SAMD12: variants seen among roughly 807,000 people sequenced by gnomAD.
The protein encoded by SAMD12 is sterile alpha motif domain containing 12, also known as sterile alpha motif domain-containing protein 12.
Under a neutral mutation model 15.0 loss-of-function variants are expected in SAMD12, and 9 were observed. The observed-to-expected ratio is 0.60, with a 90% CI of 0.36 to 1.05. The LOEUF is 1.05. Among genes scored for constraint, SAMD12 ranks in the 50% least tolerant of loss-of-function variants. SAMD12 has a pLI of 0.01. For missense variants in SAMD12, 230 were observed against 234.2 expected, an observed-to-expected ratio of 0.98 and a Z score of 0.12; for synonymous variants, 86 against 90.1, an observed-to-expected ratio of 0.96 and a Z score of 0.25.
At chr8:118,594,237 A>G (rs1441172468) in intron 1 of SAMD12, among the ~76,000 whole-genome samples, 3 of 138,642 alleles carry the variant, frequency 2.2e-5, no homozygotes, top group African/African-American at 8.3e-5. Context: ...CAAAATGAAG[A>G]AAAAAAACAG....
chr8:118,506,522 G>A (rs1212470006), intron 2 of SAMD12, among the ~76,000 whole-genome samples: 1 of 151,958 alleles, frequency 6.6e-6, no homozygotes, highest in Non-Finnish European at 1.5e-5. Flanking sequence ...TTCCTACTAT[G>A]TCAACAGTGT....
chr8:118,451,043 A>T (rs145660965), intron 2 of SAMD12, among the ~76,000 whole-genome samples: 95 of 152,282 alleles, frequency 6.2e-4, no homozygotes, highest in African/African-American at 2.2e-3. Flanking sequence ...TACGTAAATC[A>T]TCTTGAATTT....
At chr8:118,290,146 T>TA (rs1352719979) in intron 4 of SAMD12, among the ~76,000 whole-genome samples, 1 of 152,052 alleles carries the variant, frequency 6.6e-6, no homozygotes, top group East Asian at 1.9e-4. Context: ...AGACCAAAAA[T>TA]AAAAAATGCC....
At chr8:118,346,381 GT>G (rs1478761034) in intron 4 of SAMD12, among the ~76,000 whole-genome samples, 5 of 152,150 alleles carry the variant, frequency 3.3e-5, no homozygotes, top group Non-Finnish European at 7.3e-5. Flanking sequence ...GTACTAGTCA[GT>G]TTTGCTCTCT....
chr8:118,608,567 G>T (rs1244482803), intron 1 of SAMD12, among the ~76,000 whole-genome samples: 1 of 152,108 alleles, frequency 6.6e-6, no homozygotes, highest in Non-Finnish European at 1.5e-5. Flanking sequence ...GCAATGGCAT[G>T]ATCTTGGCTC....
At chr8:118,197,869 A>C in intron 4 of SAMD12, 1 of 786,296 alleles carries the variant, frequency 1.3e-6, no homozygotes, top group Non-Finnish European at 2.2e-6. Flanking sequence ...AATAATGGTT[A>C]CTCAATGCCA....
intron 2 of SAMD12, among the ~76,000 whole-genome samples, chr8:118,530,559 CTTGTT>C (rs1275544539): frequency 2.0e-5 from 3 of 151,938 alleles, no homozygotes; most frequent in Non-Finnish European, 1.5e-5. Context: ...CTTGTTTTTT[CTTGTT>C]GAGTTGTTTG....
chr8:118,511,452 G>GA (rs1825078139), intron 2 of SAMD12, among the ~76,000 whole-genome samples: 1 of 131,692 alleles, frequency 7.6e-6, no homozygotes, highest in Non-Finnish European at 1.8e-5. Flanking sequence ...TTTTGTTTTT[G>GA]TTTTTTTTTT....
At chr8:118,618,694 G>A (rs1828310592) in intron 1 of SAMD12, among the ~76,000 whole-genome samples, 1 of 151,978 alleles carries the variant, frequency 6.6e-6, no homozygotes, top group Admixed American at 6.6e-5. Context: ...AAAAAAATCA[G>A]CCGGGCGTGG....
intron 4 of SAMD12, among the ~76,000 whole-genome samples, chr8:118,281,135 C>T (rs745737487): frequency 4.6e-5 from 7 of 152,172 alleles, no homozygotes; most frequent in African/African-American, 7.2e-5. Context: ...GACACATTTT[C>T]CTAAAGTCAA....
chr8:118,394,133 C>T (rs1381705977), intron 3 of SAMD12, among the ~76,000 whole-genome samples: 1 of 152,132 alleles, frequency 6.6e-6, no homozygotes, highest in Non-Finnish European at 1.5e-5. Flanking sequence ...TCCCTTTGCT[C>T]CTTAAAGAAA....
intron 4 of SAMD12, among the ~76,000 whole-genome samples, chr8:118,281,319 G>T (rs1033691607): frequency 2.0e-5 from 3 of 152,190 alleles, no homozygotes; most frequent in East Asian, 3.8e-4. Context: ...AGCAGTGCAT[G>T]TGTCTAGTGG....
chr8:118,420,680 G>A (rs1170516589), intron 3 of SAMD12, among the ~76,000 whole-genome samples: 1 of 151,936 alleles, frequency 6.6e-6, no homozygotes. Context: ...AGAATTAGAG[G>A]GGAATTTTAT....
chr8:118,372,059 C>G (rs996086146), intron 4 of SAMD12, among the ~76,000 whole-genome samples: 4 of 152,024 alleles, frequency 2.6e-5, no homozygotes, highest in African/African-American at 9.7e-5. Flanking sequence ...ACACCAAAGC[C>G]TCAACTAAAT....
chr8:118,175,024 C>CA, the SAMD12 span, among the ~76,000 whole-genome samples: 158 of 63,552 alleles, frequency 2.5e-3, 1 homozygote, highest in South Asian at 0.01. Flanking sequence ...AGCAGTAAAG[C>CA]AAAAAAAAAC....
At chr8:118,407,100 A>G (rs1821170133) in intron 3 of SAMD12, among the ~76,000 whole-genome samples, 1 of 152,098 alleles carries the variant, frequency 6.6e-6, no homozygotes, top group Non-Finnish European at 1.5e-5. Context: ...AAAAAAAACT[A>G]TTAAGTAACA....
At chr8:118,328,626 A>C (rs1320063348) in intron 4 of SAMD12, among the ~76,000 whole-genome samples, 1 of 152,222 alleles carries the variant, frequency 6.6e-6, no homozygotes, top group Non-Finnish European at 1.5e-5. Flanking sequence ...CATTGACCAC[A>C]GACTTAAAGT....
rs541976217 is a variant in SAMD12, at chr8:118,459,197, C to T, written c.193-19236G>A. ...TCTCCTGCCTCAACCTCCTGAGTAG[C>T]GGGGATTACAGGTGCCTGCTACCAC... On this transcript the variant is annotated intron_variant, in intron 2 of 3. Coordinates refer to ENST00000314727, the MANE Select transcript of SAMD12 (RefSeq NM_207506.3). Among the ~76,000 whole-genome samples the T allele has an allele frequency of 1.6e-4, 25 of 152,066 alleles. No homozygotes were observed. The East Asian group carries it at 4.1e-3, about 25-fold the overall frequency.
chr8:118,353,357 T>C (rs1355320474), intron 4 of SAMD12, among the ~76,000 whole-genome samples: 1 of 151,790 alleles, frequency 6.6e-6, no homozygotes, highest in Non-Finnish European at 1.5e-5. Context: ...GAAGCCTTAA[T>C]TCCCAAAGTG....
Sources: gnomAD v4.1 joint callset for allele counts (sites outside exome capture counted in the v4.1 genomes callset) on GRCh38, gnomAD v4.1.1 for gene constraint, MANE v1.5 for transcripts, NCBI Gene and HGNC (gene_info 2026-07-23, HGNC 2026-07-21) for gene names.